DPY19L1: variants seen among roughly 807,000 people sequenced by gnomAD.
DPY19L1 encodes protein C-mannosyl-transferase DPY19L1.
A neutral mutation model predicts 96.9 loss-of-function variants in DPY19L1; 35 were observed. The observed-to-expected ratio is 0.36, with a 90% CI of 0.28 to 0.48. The LOEUF (loss-of-function observed/expected upper bound fraction) is 0.48, where lower values mean the gene tolerates loss of function less well. Among genes scored for constraint, DPY19L1 ranks in the 20% least tolerant of loss-of-function variants. The probability of loss-of-function intolerance (pLI) is 0.99; values close to 1 mark genes in which losing one functional copy is unlikely to be tolerated. For synonymous variants in DPY19L1, 205 were observed against 252.6 expected (o/e 0.81, Z 1.79); for missense variants, 521 against 777.9 (o/e 0.67, Z 3.93).
At chr7:35,018,643 T>C in intron 1 of DPY19L1, 47 bp from the exon 2 acceptor site, 1 of 1,527,102 alleles carries the variant, frequency 6.5e-7, no homozygotes, top group Non-Finnish European at 9.0e-7. Flanking sequence ...ATAAACATGT[T>C]CATCTTACAG....
chr7:34,957,532 C>T (rs1351488415), intron 11 of DPY19L1, among the ~76,000 whole-genome samples: 2 of 152,122 alleles, frequency 1.3e-5, no homozygotes, highest in Non-Finnish European at 2.9e-5. Flanking sequence ...CAAAATAAAA[C>T]TGAATCATCA....
intron 10 of DPY19L1, among the ~76,000 whole-genome samples, chr7:34,965,792 C>A (rs1033101753): frequency 1.6e-4 from 25 of 152,030 alleles, no homozygotes; most frequent in Admixed American, 2.6e-4. Flanking sequence ...AAAGGATAAC[C>A]ATTCAAGAAC....
At chr7:34,981,995 T>G (rs1404092716) in intron 7 of DPY19L1, among the ~76,000 whole-genome samples, 1 of 152,092 alleles carries the variant, frequency 6.6e-6, no homozygotes, top group Non-Finnish European at 1.5e-5. Context: ...TCTGAATCTA[T>G]TAACGAGGAA....
chr7:34,973,147 C>T (rs1784759121), intron 8 of DPY19L1, among the ~76,000 whole-genome samples: 1 of 152,120 alleles, frequency 6.6e-6, no homozygotes, highest in African/African-American at 2.4e-5. Flanking sequence ...TATCCTTTGC[C>T]CCAAAGGATT....
intron 3 of DPY19L1, among the ~76,000 whole-genome samples, chr7:35,014,539 T>C (rs1381734681): frequency 6.6e-6 from 1 of 152,186 alleles, no homozygotes; most frequent in Non-Finnish European, 1.5e-5. Flanking sequence ...CCAGTACCAG[T>C]AGCTGCCAAA....
At chr7:34,985,278 T>TG (rs1459571481) in intron 7 of DPY19L1, among the ~76,000 whole-genome samples, 1 of 152,148 alleles carries the variant, frequency 6.6e-6, no homozygotes, top group African/African-American at 2.4e-5. Context: ...AATGATTTCT[T>TG]GGATAAGACT....
intron 7 of DPY19L1, among the ~76,000 whole-genome samples, chr7:34,981,925 G>T (rs1260573784): frequency 6.6e-6 from 1 of 152,130 alleles, no homozygotes; most frequent in Non-Finnish European, 1.5e-5. Flanking sequence ...ACTCCAGCCT[G>T]GGCAGCAGAG....
chr7:34,970,806 C>T (rs1784709597), intron 8 of DPY19L1, among the ~76,000 whole-genome samples: 1 of 140,820 alleles, frequency 7.1e-6, no homozygotes, highest in Non-Finnish European at 1.5e-5. Flanking sequence ...AGCTCTGACC[C>T]AAGACAACAG....
chr7:35,033,680 C>G (rs374861464), intron 1 of DPY19L1, among the ~76,000 whole-genome samples: 2 of 152,128 alleles, frequency 1.3e-5, no homozygotes, highest in African/African-American at 4.8e-5. Context: ...CATTGCTCCC[C>G]CCATCTAGTC....
At chr7:34,942,276 A>C (rs1784036965) in intron 17 of DPY19L1, among the ~76,000 whole-genome samples, 1 of 152,174 alleles carries the variant, frequency 6.6e-6, no homozygotes, top group Admixed American at 6.5e-5. Context: ...TGGGAGCAGT[A>C]ACCAATCACA....
chr7:34,943,754 T>A (rs1244818012), intron 16 of DPY19L1, among the ~76,000 whole-genome samples: 3 of 152,226 alleles, frequency 2.0e-5, no homozygotes, highest in African/African-American at 4.8e-5. Context: ...GACAGCTTTG[T>A]TTCTGTGAGA....
Position 34,952,405 on chromosome 7 carries a change from T to C in DPY19L1, c.1320+2293A>G, listed in dbSNP as rs550104289. On this transcript the variant is annotated intron_variant, in intron 13 of 21. Coordinates refer to ENST00000638088, the MANE Select transcript of DPY19L1 (RefSeq NM_001366673.1). ...GAAATTGAATTTGTAGTAAAAAACCTACCCATAAAGAAAGCTCCAGGCCAT... is the reference window on the plus strand; with the variant it reads ...GAAATTGAATTTGTAGTAAAAAACCCACCCATAAAGAAAGCTCCAGGCCAT... Among the ~76,000 whole-genome samples, 12 of 152,216 alleles carry C rather than the reference T, an allele frequency of 7.9e-5. No individual in the cohort carries two copies. The East Asian group carries it at 1.7e-3, about 22-fold the overall frequency.
intron 16 of DPY19L1, among the ~76,000 whole-genome samples, chr7:34,945,197 T>C (rs1784117491): frequency 1.3e-5 from 2 of 152,034 alleles, no homozygotes; most frequent in African/African-American, 4.8e-5. Context: ...TAGGCCTCTC[T>C]AACTCTCAGG....
At chr7:34,986,815 T>C (rs1785058311) in intron 7 of DPY19L1, among the ~76,000 whole-genome samples, 1 of 152,084 alleles carries the variant, frequency 6.6e-6, no homozygotes, top group African/African-American at 2.4e-5. Context: ...AATCCGTTAA[T>C]TTACTTTGAA....
At chr7:34,967,814 TACA>T (rs1205028050) in intron 9 of DPY19L1, among the ~76,000 whole-genome samples, 21 of 152,318 alleles carry the variant, frequency 1.4e-4, no homozygotes, top group African/African-American at 4.8e-4. Context: ...TAAATCAATC[TACA>T]ACAAATTTTT....
At chr7:35,010,323 T>A in intron 6 of DPY19L1, 145 bp downstream of exon 6, 1 of 564,224 alleles carries the variant, frequency 1.8e-6, no homozygotes. Flanking sequence ...AGTGGTGAAA[T>A]CATGCAAATA....
At chr7:34,987,645 C>A (rs887948699) in intron 7 of DPY19L1, among the ~76,000 whole-genome samples, 2 of 151,990 alleles carry the variant, frequency 1.3e-5, no homozygotes, top group African/African-American at 4.8e-5. Flanking sequence ...AGTAAGGTAC[C>A]GGTTAGTAAC....
At chr7:35,005,057 T>C (rs1785518979) in intron 6 of DPY19L1, among the ~76,000 whole-genome samples, 1 of 152,194 alleles carries the variant, frequency 6.6e-6, no homozygotes, top group Non-Finnish European at 1.5e-5. Context: ...GGATACTGAA[T>C]GGGAAAGAAC....
intron 1 of DPY19L1, among the ~76,000 whole-genome samples, chr7:35,026,727 A>G (rs329256): frequency 0.47 from 71,901 of 152,052 alleles, 17,451 homozygotes; most frequent in Admixed American, 0.61. Flanking sequence ...CAAAAGATAC[A>G]CTGAGGGAGA....
Sources: allele counts gnomAD v4.1 joint callset (sites outside exome capture counted in the v4.1 genomes callset), GRCh38; gene constraint gnomAD v4.1.1; transcripts MANE v1.5; gene names NCBI Gene and HGNC (gene_info 2026-07-23, HGNC 2026-07-21).